HDAC9: variants seen among roughly 807,000 people sequenced by gnomAD.
HDAC9 encodes the protein MEF-2 interacting transcription repressor (MITR) protein.
HDAC9 carries 41 observed loss-of-function variants against 139.4 expected under a neutral mutation model. The observed-to-expected ratio is 0.29, with a 90% CI of 0.23 to 0.38. HDAC9 has a LOEUF of 0.38. Among genes scored for constraint, HDAC9 ranks in the 10% least tolerant of loss-of-function variants. The pLI is 1.00. For missense variants in HDAC9, 1,147 were observed against 1,297.0 expected (o/e 0.88, Z 1.78); for synonymous variants, 517 against 476.2 (o/e 1.09, Z -1.12).
At chr7:18,405,712 G>C (rs1009298942) in intron 1 of HDAC9, among the ~76,000 whole-genome samples, 3 of 152,200 alleles carry the variant, frequency 2.0e-5, no homozygotes, top group African/African-American at 7.2e-5. Flanking sequence ...AGAACTGATA[G>C]TGTTAGAAAA....
chr7:18,167,599 C>T (rs1301525457), intron 2 of HDAC9, among the ~76,000 whole-genome samples: 1 of 152,162 alleles, frequency 6.6e-6, no homozygotes, highest in East Asian at 1.9e-4. Context: ...CAGCTTCTAA[C>T]TGGTTTGTGC....
chr7:18,602,785 C>T (rs1834339665), intron 6 of HDAC9, among the ~76,000 whole-genome samples: 1 of 151,796 alleles, frequency 6.6e-6, no homozygotes, highest in Admixed American at 6.6e-5. Flanking sequence ...TTTAATCTTT[C>T]TGTTATTGAT....
intron 19 of HDAC9, among the ~76,000 whole-genome samples, chr7:18,834,726 T>C (rs1181219976): frequency 6.6e-6 from 1 of 152,220 alleles, no homozygotes; most frequent in Non-Finnish European, 1.5e-5. Context: ...CGTCTTCGAC[T>C]CTTGTGTTAC....
intron 1 of HDAC9, among the ~76,000 whole-genome samples, chr7:18,381,995 A>G (rs1785485659): frequency 6.6e-6 from 1 of 152,148 alleles, no homozygotes; most frequent in Admixed American, 6.5e-5. Context: ...ACGTAGTAAT[A>G]ATGTTTTTCT....
chr7:18,806,115 C>T (rs1793683490), intron 17 of HDAC9, among the ~76,000 whole-genome samples: 1 of 144,182 alleles, frequency 6.9e-6, no homozygotes, highest in South Asian at 2.2e-4. Context: ...AACTGAAAAG[C>T]TGTGGAATAC....
At chr7:18,481,630 C>A (rs966333801) in intron 1 of HDAC9, among the ~76,000 whole-genome samples, 8 of 152,100 alleles carry the variant, frequency 5.3e-5, no homozygotes, top group Non-Finnish European at 1.0e-4. Context: ...TATTTTCATT[C>A]TAGGCTTTGA....
At chr7:18,568,091 G>A (rs2128732024) in intron 2 of HDAC9, among the ~76,000 whole-genome samples, 1 of 145,420 alleles carries the variant, frequency 6.9e-6, no homozygotes. Flanking sequence ...TGCACAGATT[G>A]GAACAGTCTA....
chr7:18,936,878 A>T (rs1273231936), intron 23 of HDAC9, among the ~76,000 whole-genome samples: 1 of 152,088 alleles, frequency 6.6e-6, no homozygotes, highest in South Asian at 2.1e-4. Flanking sequence ...CATAGAACAC[A>T]TAGTTACTAT....
At chr7:18,180,983 C>T (rs188364105) in intron 2 of HDAC9, among the ~76,000 whole-genome samples, 4 of 152,174 alleles carry the variant, frequency 2.6e-5, no homozygotes, top group Non-Finnish European at 4.4e-5. Context: ...CCTTCTTTTG[C>T]GTGTGTGTCA....
intron 16 of HDAC9, among the ~76,000 whole-genome samples, chr7:18,792,709 A>C (rs1264675069): frequency 6.6e-6 from 1 of 152,174 alleles, no homozygotes; most frequent in Non-Finnish European, 1.5e-5. Context: ...GAAAGTTAGA[A>C]ATCTTAAGCT....
chr7:18,260,696 A>G (rs1329891185), intron 2 of HDAC9: 1 of 154,172 alleles, frequency 6.5e-6, no homozygotes, highest in Non-Finnish European at 1.5e-5. Flanking sequence ...TAGTGGAGAT[A>G]GGGAAACAGG....
chr7:18,572,945 T>C (rs1277202362), intron 2 of HDAC9, among the ~76,000 whole-genome samples: 2 of 152,244 alleles, frequency 1.3e-5, no homozygotes, highest in Non-Finnish European at 2.9e-5. Flanking sequence ...TTCAAAAGCA[T>C]ATTTGCAGAC....
chr7:18,231,055 A>G (rs1793426517), intron 2 of HDAC9, among the ~76,000 whole-genome samples: 1 of 152,202 alleles, frequency 6.6e-6, no homozygotes, highest in Non-Finnish European at 1.5e-5. Context: ...CCCACTGGGG[A>G]CAAGCTTAGA....
chr7:18,241,613 T>C (rs1487937389), intron 2 of HDAC9, among the ~76,000 whole-genome samples: 1 of 152,194 alleles, frequency 6.6e-6, no homozygotes, highest in Non-Finnish European at 1.5e-5. Flanking sequence ...ATGCCATTAT[T>C]CAATGAAAAG....
chr7:18,253,836 A>G (rs558675889), intron 2 of HDAC9, among the ~76,000 whole-genome samples: 3 of 152,232 alleles, frequency 2.0e-5, no homozygotes, highest in Admixed American at 2.0e-4. Flanking sequence ...AGTGTGGAGG[A>G]TTGTGTTGAA....
At chr7:18,156,299 A>G (rs1449213965) in intron 1 of HDAC9, among the ~76,000 whole-genome samples, 3 of 152,194 alleles carry the variant, frequency 2.0e-5, no homozygotes, top group East Asian at 3.8e-4. Context: ...AAGTGACCCT[A>G]TCTTGGTCAA....
chr7:18,750,439 A>G (rs1278239956), intron 14 of HDAC9, among the ~76,000 whole-genome samples: 1 of 152,170 alleles, frequency 6.6e-6, no homozygotes, highest in Non-Finnish European at 1.5e-5. Context: ...GTTTTATTAT[A>G]TATTTATGGT....
chr7:18,525,391 C>T (rs985748264), intron 2 of HDAC9, among the ~76,000 whole-genome samples: 2 of 151,974 alleles, frequency 1.3e-5, no homozygotes, highest in Non-Finnish European at 2.9e-5. Context: ...CTTGAAATTT[C>T]TTAATCATTT....
intron 6 of HDAC9, among the ~76,000 whole-genome samples, chr7:18,609,959 C>T (rs1356771350): frequency 2.0e-5 from 3 of 152,076 alleles, no homozygotes; most frequent in Admixed American, 6.6e-5. Flanking sequence ...GACATGAACT[C>T]ATCATTTTTT....
Sources: allele counts gnomAD v4.1 joint callset (sites outside exome capture counted in the v4.1 genomes callset), GRCh38; gene constraint gnomAD v4.1.1; transcripts MANE v1.5; gene names NCBI Gene and HGNC (gene_info 2026-07-23, HGNC 2026-07-21).